The following NIPAL2 variants were observed in gnomAD, a reference collection of about 807,000 sequenced individuals.
The protein encoded by NIPAL2 is NIPA-like protein 2.
NIPAL2 carries 43 observed loss-of-function variants against 48.9 expected under a neutral mutation model. The observed-to-expected ratio is 0.88, with a 90% CI of 0.69 to 1.13. NIPAL2 has a LOEUF of 1.13. Among genes scored for constraint, NIPAL2 ranks in the 50% most tolerant of loss-of-function variants. The pLI, the probability that NIPAL2 is intolerant of heterozygous loss-of-function variation, is 0.00. For missense variants in NIPAL2, 446 were observed against 461.4 expected, an observed-to-expected ratio of 0.97 and a Z score of 0.31; for synonymous variants, 167 against 174.6, an observed-to-expected ratio of 0.96 and a Z score of 0.34.
At chr8:98,216,181 G>T (rs1466513486) in intron 5 of NIPAL2, among the ~76,000 whole-genome samples, 1 of 152,226 alleles carries the variant, frequency 6.6e-6, no homozygotes, top group Admixed American at 6.5e-5. Flanking sequence ...TATTAATTCT[G>T]CAGAGAGGCA....
rs527729592 is a variant in NIPAL2 at position 98,222,702 on chromosome 8, A to G, written c.437-102T>C. ...CTGCGCATTACTTGTAAAAGTGCCA[A>G]TCGCCCCTCCCTATTATACTCCGTT... On this transcript the variant is annotated intron_variant, in intron 4 of 10. Transcript: ENST00000430223. The G allele has an allele frequency of 1.9e-4, 221 of 1,147,594 alleles. 1 individual carries two copies. The highest frequency in any genetic ancestry group is 1.7e-3 in the Admixed American group (89 of 51,234). 71.1% of individuals were successfully genotyped at this position (1,147,594 alleles called of 1,614,324 possible).
intron 3 of NIPAL2, among the ~76,000 whole-genome samples, chr8:98,238,478 T>C (rs1281738790): frequency 6.6e-6 from 1 of 152,230 alleles, no homozygotes; most frequent in East Asian, 1.9e-4. Context: ...GTTGGTATAA[T>C]AATCCATTAA....
chr8:98,287,859 C>T (rs1782045836), intron 1 of NIPAL2, among the ~76,000 whole-genome samples: 1 of 152,138 alleles, frequency 6.6e-6, no homozygotes, highest in African/African-American at 2.4e-5. Context: ...GGAATGCCAG[C>T]CTTTCCAAGG....
At chr8:98,252,206 AC>A in intron 3 of NIPAL2, 1 of 392,138 alleles carries the variant, frequency 2.6e-6, no homozygotes, top group Non-Finnish European at 4.5e-6. Flanking sequence ...ATCTTCTGTC[AC>A]CGTTAATTTA....
chr8:98,191,695 T>C lies in NIPAL2; in HGVS notation c.*1283A>G, dbSNP rs1810310810. 1 of 152,246 alleles carries C rather than the reference T, an allele frequency of 6.6e-6. No individual in the cohort carries two copies. Among genetic ancestry groups the C allele is most frequent in the African/African-American group, 2.4e-5 (1 of 41,454 alleles). The allele number at this position is 152,246 out of a possible 1,614,324, so 9.4% of individuals were successfully genotyped here. A position where few individuals can be genotyped will look rare whatever the true frequency, so the allele number is the denominator to read the frequency against. ...GTGGGACTTATTGTTGGATGTTGGC[T>C]GCAACGAAGGCTACTTCTTTTCTTC... On this transcript the variant is annotated 3_prime_UTR_variant, in exon 11 of 11. Coordinates refer to ENST00000430223, the MANE Select transcript of NIPAL2 (RefSeq NM_001321635.2).
At chr8:98,287,265 C>T (rs1257299844) in intron 1 of NIPAL2, among the ~76,000 whole-genome samples, 2 of 152,142 alleles carry the variant, frequency 1.3e-5, no homozygotes, top group East Asian at 3.9e-4. Flanking sequence ...TCAGCTGTTC[C>T]CAGTGCTACA....
intron 1 of NIPAL2, among the ~76,000 whole-genome samples, chr8:98,270,509 T>C (rs1815064702): frequency 6.6e-6 from 1 of 152,160 alleles, no homozygotes; most frequent in Admixed American, 6.6e-5. Flanking sequence ...TATTCTTTGC[T>C]CACTTTTCAA....
chr8:98,196,941 G>T (rs942776983), intron 8 of NIPAL2, among the ~76,000 whole-genome samples: 1 of 152,172 alleles, frequency 6.6e-6, no homozygotes, highest in African/African-American at 2.4e-5. Context: ...TTTGTTGAAT[G>T]AATGAAACTT....
intron 1 of NIPAL2, among the ~76,000 whole-genome samples, chr8:98,285,083 C>T (rs1816078002): frequency 6.6e-6 from 1 of 152,156 alleles, no homozygotes; most frequent in African/African-American, 2.4e-5. Context: ...ATAATCTAAG[C>T]TTCTAAGGAG....
intron 8 of NIPAL2, among the ~76,000 whole-genome samples, chr8:98,200,178 G>T (rs1406011352): frequency 6.6e-6 from 1 of 151,994 alleles, no homozygotes; most frequent in Non-Finnish European, 1.5e-5. Context: ...TTACCATCTC[G>T]ATCTTTTGTT....
intron 5 of NIPAL2, among the ~76,000 whole-genome samples, chr8:98,214,799 G>A (rs985511542): frequency 6.6e-6 from 1 of 152,026 alleles, no homozygotes; most frequent in Admixed American, 6.6e-5. Context: ...TCTTCTCCGG[G>A]TAAATTAAAC....
chr8:98,238,280 G>A (rs919651951), intron 3 of NIPAL2, among the ~76,000 whole-genome samples: 1 of 152,178 alleles, frequency 6.6e-6, no homozygotes, highest in Non-Finnish European at 1.5e-5. Flanking sequence ...AAAAGTAAAA[G>A]TACAGGAAAG....
intron 1 of NIPAL2, among the ~76,000 whole-genome samples, chr8:98,284,773 AC>A (rs946037524): frequency 1.3e-5 from 2 of 152,002 alleles, no homozygotes; most frequent in African/African-American, 4.8e-5. Context: ...TGCTAACATG[AC>A]CCCTAGGACT....
At chr8:98,227,762 G>A (rs1199652865) in intron 4 of NIPAL2, among the ~76,000 whole-genome samples, 1 of 152,230 alleles carries the variant, frequency 6.6e-6, no homozygotes, top group Non-Finnish European at 1.5e-5. Context: ...CCCAGCTGGT[G>A]TCTCACTGGA....
rs142115104 is a variant in NIPAL2 at position 98,195,963 on chromosome 8, G to A, written c.923C>T (p.Thr308Ile). 8.6e-5 allele frequency: 136 copies of A among 1,582,812 alleles called. No homozygotes were observed. The highest frequency in any genetic ancestry group is 4.6e-4 in the African/African-American group (34 of 74,244). ...YQEFLGAPFLTVFIYLFGCFL... is the reference protein window; with the variant it reads ...YQEFLGAPFLIVFIYLFGCFL... Reference sequence around the variant, plus strand: ...TCACCCAAAAAGATATATAAATACAGTGAGAAAAGGAGCACCAAGGAATTC... The same window carrying A: ...TCACCCAAAAAGATATATAAATACAATGAGAAAAGGAGCACCAAGGAATTC... Residue 308 changes from threonine to isoleucine, a missense_variant, in exon 9 of 11, where the codon ACT becomes ATT. Coordinates refer to ENST00000430223, the MANE Select transcript of NIPAL2 (RefSeq NM_001321635.2).
chr8:98,233,244 C>T (rs1007500898), intron 4 of NIPAL2, among the ~76,000 whole-genome samples: 1 of 150,476 alleles, frequency 6.6e-6, no homozygotes, highest in South Asian at 2.1e-4. Context: ...GGCAACAGAG[C>T]GAGACTCCAT....
At chr8:98,203,600 T>A (rs1810901427) in intron 7 of NIPAL2, among the ~76,000 whole-genome samples, 1 of 152,072 alleles carries the variant, frequency 6.6e-6, no homozygotes, top group African/African-American at 2.4e-5. Flanking sequence ...GATGGAGAAG[T>A]AAAGGAATGT....
chr8:98,226,607 T>C (rs573188431), intron 4 of NIPAL2, among the ~76,000 whole-genome samples: 1 of 149,724 alleles, frequency 6.7e-6, no homozygotes, highest in East Asian at 1.9e-4. Flanking sequence ...TCCCTCTCTT[T>C]CTCTCTCTCT....
At chr8:98,200,059 C>G (rs1468344133) in intron 8 of NIPAL2, among the ~76,000 whole-genome samples, 1 of 152,116 alleles carries the variant, frequency 6.6e-6, no homozygotes, top group Non-Finnish European at 1.5e-5. Context: ...GTCAAACAAT[C>G]CTACCGCCTC....
Sources: gnomAD v4.1 joint callset for allele counts (sites outside exome capture counted in the v4.1 genomes callset) on GRCh38, gnomAD v4.1.1 for gene constraint, MANE v1.5 for transcripts, NCBI Gene and HGNC (gene_info 2026-07-23, HGNC 2026-07-21) for gene names.